Variants in CNTLN observed in about 807,000 individuals in gnomAD.
CNTLN encodes the protein centlein, also known as centlein, centrosomal protein.
Under a neutral mutation model 180.0 loss-of-function variants are expected in CNTLN, and 212 were observed. That is an observed-to-expected ratio of 1.18 (90% confidence interval 1.05 to 1.32). The LOEUF (loss-of-function observed/expected upper bound fraction) is 1.32, where lower values mean the gene tolerates loss of function less well. Ranked by LOEUF, CNTLN falls within the 40% of genes most tolerant of loss-of-function variation. The pLI is 0.00. For synonymous variants in CNTLN, 722 were observed against 563.1 expected (o/e 1.28, Z -3.99); for missense variants, 2,095 against 1,610.9 (o/e 1.30, Z -5.14).
At chr9:17,207,654 C>G (rs1823020533) in intron 2 of CNTLN, among the ~76,000 whole-genome samples, 1 of 152,056 alleles carries the variant, frequency 6.6e-6, no homozygotes, top group Admixed American at 6.6e-5. Context: ...TTCTGCTCAC[C>G]CTCCGTGCTT....
At chr9:17,308,975 T>C (rs1818934385) in intron 7 of CNTLN, 83 bp from the exon 8 acceptor site, 1 of 874,316 alleles carries the variant, frequency 1.1e-6, no homozygotes, top group South Asian at 2.4e-5. Flanking sequence ...TTCATATGTA[T>C]ATATACACAC....
the CNTLN span, among the ~76,000 whole-genome samples, chr9:17,516,274 A>G: frequency 2.6e-4 from 39 of 152,316 alleles, no homozygotes; most frequent in Admixed American, 4.6e-4. Flanking sequence ...TGTATCACCC[A>G]TCTCTTCTAT....
At chr9:17,239,058 G>A (rs958819046) in intron 5 of CNTLN, among the ~76,000 whole-genome samples, 1 of 152,184 alleles carries the variant, frequency 6.6e-6, no homozygotes, top group Non-Finnish European at 1.5e-5. Flanking sequence ...GTTTGTTTGA[G>A]ACAGAGTCTT....
At chr9:17,508,551 G>A (rs1037942973), downstream of CNTLN, among the ~76,000 whole-genome samples, 2 of 152,132 alleles carry the variant, frequency 1.3e-5, no homozygotes, top group African/African-American at 2.4e-5. Context: ...TATTCCTCAT[G>A]TTACCCCTTA....
chr9:17,247,781 T>TTA lies in CNTLN; in HGVS notation c.849+11194_849+11195insAT, dbSNP rs1364241123. Reference sequence around the variant, plus strand: ...TTGGATTTTGCCAAATACTTTTACTTTTTTTTTTTTTTTTGCATCTATTGA... The same window carrying TTA: ...TTGGATTTTGCCAAATACTTTTACTTTATTTTTTTTTTTTTTGCATCTATTGA... On this transcript the variant is annotated intron_variant, in intron 5 of 25. Coordinates refer to ENST00000380647, the MANE Select transcript of CNTLN (RefSeq NM_017738.4). Among the ~76,000 whole-genome samples, 389 of 146,274 alleles carry TTA rather than the reference T, an allele frequency of 2.7e-3. 4 individuals are homozygous for TTA. Among genetic ancestry groups the TTA allele is most frequent in the African/African-American group, 9.0e-3 (366 of 40,474 alleles).
At chr9:17,370,568 C>G (rs1365202553) in intron 13 of CNTLN, among the ~76,000 whole-genome samples, 2 of 152,028 alleles carry the variant, frequency 1.3e-5, no homozygotes, top group East Asian at 3.9e-4. Context: ...AAATGGAATA[C>G]TTAAATCAGA....
At chr9:17,353,266 T>C (rs572932989) in intron 12 of CNTLN, among the ~76,000 whole-genome samples, 227 of 150,946 alleles carry the variant, frequency 1.5e-3, no homozygotes, top group African/African-American at 5.3e-3. Context: ...TTATGTTTAA[T>C]TTTTTAAGGA....
chr9:17,268,471 A>C (rs1402100962), intron 5 of CNTLN, among the ~76,000 whole-genome samples: 1 of 152,150 alleles, frequency 6.6e-6, no homozygotes, highest in Non-Finnish European at 1.5e-5. Flanking sequence ...CCTCCCAGTT[A>C]GGCTGCTCGG....
At chr9:17,144,173 C>T (rs935224492) in intron 2 of CNTLN, among the ~76,000 whole-genome samples, 4 of 152,222 alleles carry the variant, frequency 2.6e-5, no homozygotes, top group East Asian at 1.9e-4. Flanking sequence ...ATCATTCCAG[C>T]GTTGTCTGAG....
At chr9:17,443,147 T>C (rs1830206148) in intron 18 of CNTLN, among the ~76,000 whole-genome samples, 1 of 152,216 alleles carries the variant, frequency 6.6e-6, no homozygotes, top group African/African-American at 2.4e-5. Context: ...TTTGATGTTG[T>C]ACTTGAGTAC....
At chr9:17,415,081 G>T (rs1828125136) in intron 16 of CNTLN, among the ~76,000 whole-genome samples, 1 of 150,082 alleles carries the variant, frequency 6.7e-6, no homozygotes, top group African/African-American at 2.5e-5. Flanking sequence ...GCCAAACTCT[G>T]TCTCAAAAGA....
chr9:17,248,383 G>C (rs1825930091), intron 5 of CNTLN, among the ~76,000 whole-genome samples: 1 of 151,854 alleles, frequency 6.6e-6, no homozygotes, highest in Admixed American at 6.6e-5. Context: ...TTTTTTGGGA[G>C]ATTTTGATAA....
intron 12 of CNTLN, among the ~76,000 whole-genome samples, chr9:17,353,666 C>A (rs1822559135): frequency 6.7e-6 from 1 of 148,558 alleles, no homozygotes; most frequent in Admixed American, 6.7e-5. Context: ...GTGGTGTGAT[C>A]TTGGCTCACT....
At chr9:17,287,986 G>C (rs1219260753) in intron 6 of CNTLN, among the ~76,000 whole-genome samples, 4 of 139,724 alleles carry the variant, frequency 2.9e-5, no homozygotes, top group Non-Finnish European at 4.5e-5. Flanking sequence ...TTTTTGAAGG[G>C]TTTTTTGTGT....
intron 18 of CNTLN, among the ~76,000 whole-genome samples, chr9:17,439,771 G>A (rs374638328): frequency 1.1e-4 from 17 of 152,248 alleles, no homozygotes; most frequent in African/African-American, 3.8e-4. Context: ...TCATGAGGGC[G>A]GGGCCCCCAT....
At chr9:17,451,572 T>C (rs1258071447) in intron 18 of CNTLN, among the ~76,000 whole-genome samples, 1 of 152,198 alleles carries the variant, frequency 6.6e-6, no homozygotes, top group East Asian at 1.9e-4. Context: ...ATTATTGTTA[T>C]AGATGGGAAC....
intron 3 of CNTLN, among the ~76,000 whole-genome samples, chr9:17,229,400 G>T (rs1402530807): frequency 6.6e-6 from 1 of 152,054 alleles, no homozygotes; most frequent in African/African-American, 2.4e-5. Flanking sequence ...TGACATTATG[G>T]GGTGGGGAGA....
At chr9:17,417,111 T>C (rs1828313546) in intron 18 of CNTLN, among the ~76,000 whole-genome samples, 1 of 152,150 alleles carries the variant, frequency 6.6e-6, no homozygotes. Context: ...CAGAAGTTTC[T>C]GGATTTTACA....
At chr9:17,146,890 T>C (rs183191868) in intron 2 of CNTLN, among the ~76,000 whole-genome samples, 18 of 152,268 alleles carry the variant, frequency 1.2e-4, no homozygotes, top group African/African-American at 4.3e-4. Flanking sequence ...TTCTTTTCTG[T>C]TTCTTGCATT....
Sources: allele counts gnomAD v4.1 joint callset (sites outside exome capture counted in the v4.1 genomes callset), GRCh38; gene constraint gnomAD v4.1.1; transcripts MANE v1.5; gene names NCBI Gene and HGNC (gene_info 2026-07-23, HGNC 2026-07-21).